The following HECTD4 variants were observed in gnomAD, a reference collection of about 807,000 sequenced individuals.
The protein encoded by HECTD4 is HECT domain E3 ubiquitin protein ligase 4, also known as probable E3 ubiquitin-protein ligase HECTD4.
A neutral mutation model predicts 471.5 loss-of-function variants in HECTD4; 114 were observed. The ratio of observed to expected loss-of-function variants is 0.24; its 90% CI spans 0.21 to 0.28. The LOEUF (loss-of-function observed/expected upper bound fraction) is 0.28. Ranked by LOEUF, HECTD4 falls within the 10% of genes least tolerant of loss-of-function variation. HECTD4 has a pLI of 1.00. For synonymous variants in HECTD4, 2,012 were observed against 2,256.0 expected, an observed-to-expected ratio of 0.89 and a Z score of 3.07; for missense variants, 3,866 against 5,651.5, an observed-to-expected ratio of 0.68 and a Z score of 10.13.
At chr12:112,208,724 T>C (rs1042793531) in intron 50 of HECTD4, 94 bp from the exon 51 acceptor site, 149 of 1,168,590 alleles carry the variant, frequency 1.3e-4, no homozygotes, top group Non-Finnish European at 1.6e-4. Context: ...TTATCTTAAT[T>C]TGCATGATAG....
In HECTD4 at chr12:112,276,488, G is replaced by A. The variant is rs1022358306; in HGVS notation, c.1688-1528C>T. The stretch of plus-strand genomic sequence containing the variant: ...TTTAGAGACAGAATCTCGCTCTGTC[G>A]CCAGGCTGGAGTGCAGTGGCGCGAT... On this transcript the variant is annotated intron_variant, in intron 9 of 75. Coordinates refer to ENST00000682272, the MANE Select transcript of HECTD4 (RefSeq NM_001388303.1). Among the ~76,000 whole-genome samples the A allele has an allele frequency of 3.3e-5, 5 of 152,086 alleles. No individual in the cohort carries two copies. In the South Asian group the frequency reaches 6.2e-4, roughly 19 times the overall value.
In HECTD4 at chr12:112,236,984, G is replaced by A. The variant is rs762298888; in HGVS notation, c.5405C>T (p.Ala1802Val). 80 of 1,612,730 alleles carry A rather than the reference G, an allele frequency of 5.0e-5. No individual in the cohort carries two copies. The highest frequency in any genetic ancestry group is 6.5e-5 in the Non-Finnish European group (77 of 1,179,546). Residue 1802 changes from alanine (A) to valine (V), a missense_variant, in exon 35 of 76, where the codon GCG becomes GTG. By Grantham distance (64) the Ala-to-Val change is moderately conservative. Coordinates refer to ENST00000682272, the MANE Select transcript of HECTD4 (RefSeq NM_001388303.1). ...GAGAAGACTAAGGACATCCTGGAGC[G>A]CGTCATTCCCAGCAGCCTGGTTGCC... ...CCGNQAAGNDALQDVLSLLND... is the reference protein window; with the variant it reads ...CCGNQAAGNDVLQDVLSLLND...
chr12:112,201,094 T>C (rs1181201992), intron 54 of HECTD4: 1 of 480,474 alleles, frequency 2.1e-6, no homozygotes, highest in Non-Finnish European at 4.1e-6. Context: ...ATGGGAGAGA[T>C]CTTATTTTAT....
chr12:112,166,016 C>A lies in HECTD4; in HGVS notation c.12534+1301G>T, dbSNP rs1471451083. On this transcript the variant is annotated intron_variant, in intron 72 of 75. Transcript: ENST00000682272. This position sits in a 1 kb window ranked among gnomAD's most constrained non-coding sequence, Gnocchi z 4.6. ...TCTTCCTAGTATGCACCCCACAACACCATGTGGTTCTGCATCCCATACCCT... is the reference window on the plus strand; with the variant it reads ...TCTTCCTAGTATGCACCCCACAACAACATGTGGTTCTGCATCCCATACCCT... Among the ~76,000 whole-genome samples the A allele has an allele frequency of 6.6e-6, 1 of 152,218 alleles. No individual in the cohort carries two copies. The highest frequency in any genetic ancestry group is 2.4e-5 in the African/African-American group (1 of 41,450).
At chr12:112,231,216 GA>G (rs1296913216) in intron 39 of HECTD4, 1 of 472,216 alleles carries the variant, frequency 2.1e-6, no homozygotes, top group African/African-American at 1.9e-5. Flanking sequence ...CCATTTGCAA[GA>G]AATAAAGGTA....
At chr12:112,227,443 C>T (rs1342129603) in intron 43 of HECTD4, among the ~76,000 whole-genome samples, 2 of 151,790 alleles carry the variant, frequency 1.3e-5, no homozygotes, top group African/African-American at 4.8e-5. Flanking sequence ...CTGGGTGACA[C>T]AGCAAGACTC....
chr12:112,346,841 T>C (rs2135732436), intron 1 of HECTD4, among the ~76,000 whole-genome samples: 1 of 152,334 alleles, frequency 6.6e-6, no homozygotes, highest in South Asian at 2.1e-4. Context: ...GAGACAGAAT[T>C]TCACATTCCT....
At chr12:112,349,540 A>G (rs2036216231) in intron 1 of HECTD4, among the ~76,000 whole-genome samples, 1 of 152,174 alleles carries the variant, frequency 6.6e-6, no homozygotes, top group African/African-American at 2.4e-5. Flanking sequence ...TCTAATTGGC[A>G]AAGATAAGGC....
chr12:112,338,964 TG>T (rs1193505483), intron 1 of HECTD4, among the ~76,000 whole-genome samples: 5 of 151,980 alleles, frequency 3.3e-5, no homozygotes, highest in Non-Finnish European at 7.4e-5. Context: ...CCCCCAACAC[TG>T]GGGATTATAA....
At position 112,239,755 on chromosome 12, in the gene HECTD4, A is replaced by T. The variant is rs1186151421; in HGVS notation, c.5105+126T>A. On this transcript the variant is annotated intron_variant, in intron 33 of 75. Transcript: ENST00000682272. The surrounding 1 kb of genome is among the most constrained non-coding windows in gnomAD (Gnocchi z 4.9). ...AACCTTAAGTGTCTTTCAGGAGAAA[A>T]GTTTTGTATAGCTAGCTCTGGATAA... 8.7e-6 allele frequency: 7 copies of T among 801,720 alleles called. No individual in the cohort carries two copies. The highest frequency in any genetic ancestry group is 1.3e-5 in the Non-Finnish European group (7 of 545,002). 49.7% of individuals were successfully genotyped at this position (801,720 alleles called of 1,614,324 possible).
At position 112,262,515 on chromosome 12, in the gene HECTD4, C is replaced by CAAAAAAAAAAA. The variant is rs758273849; in HGVS notation, c.2749-1097_2749-1087dup. Among the ~76,000 whole-genome samples, 107 of 19,760 alleles carry CAAAAAAAAAAA rather than the reference C, an allele frequency of 5.4e-3. 20 individuals carry two copies. The highest frequency in any genetic ancestry group is 0.012 in the African/African-American group (87 of 7,030). 13.0% of individuals were successfully genotyped at this position (19,760 alleles called of 152,430 possible). On this transcript the variant is annotated intron_variant, in intron 17 of 75. Transcript: ENST00000682272. ...TGGGCGACAAAGAGAGACTCCATCTCAAAAAAAAAAAAAAAAAAAAAAAAA... is the reference window on the plus strand; with the variant it reads ...TGGGCGACAAAGAGAGACTCCATCTCAAAAAAAAAAAAAAAAAAAAAAAAAAAAAAAAAAAA...
Position 112,382,327 on chromosome 12 carries a change from TGCCGCCGCCGCCGCCGCCGCCGCC to T in HECTD4, c.-223_-200del, listed in dbSNP as rs558182543. 2.9e-6 allele frequency: 1 copy of T among 346,718 alleles called. No homozygotes were observed. Among genetic ancestry groups the T allele is most frequent in the African/African-American group, 2.4e-5 (1 of 42,516 alleles). The allele number at this position is 346,718 out of a possible 1,614,324, so 21.5% of individuals were successfully genotyped here. A position where few individuals can be genotyped will look rare whatever the true frequency, so the allele number is the denominator to read the frequency against. ...ACCCCGGCCCGGGAGACCCCGGCCC[TGCCGCCGCCGCCGCCGCCGCCGCC>T]GCCGCCGCCCTCAGGAGCAGGATCC... On this transcript the variant is annotated 5_prime_UTR_variant, in exon 1 of 76. Transcript: ENST00000682272.
At chr12:112,279,026 T>G (rs559189370) in intron 9 of HECTD4, among the ~76,000 whole-genome samples, 1 of 152,376 alleles carries the variant, frequency 6.6e-6, no homozygotes, top group South Asian at 2.1e-4. Flanking sequence ...ACAATAGTTT[T>G]CAAAACTATA....
In HECTD4 at chr12:112,247,499, C is replaced by T; in HGVS notation, c.4300G>A (p.Asp1434Asn). Residue 1434 changes from aspartate (D) to asparagine (N), a missense_variant, in exon 28 of 76, where the codon GAT becomes AAT. Transcript: ENST00000682272. ...ACCATGTTTTCAAGATCATTCCCAT[C>T]AAAGGAGACTTCCTTCATTGAACAT... ...LLCSMKEVSF[D>N]GNDLENMVLS... The T allele has an allele frequency of 6.5e-7, 1 of 1,543,408 alleles. No individual in the cohort carries two copies. The highest frequency in any genetic ancestry group is 8.8e-7 in the Non-Finnish European group (1 of 1,141,814).
At chr12:112,219,529 G>C in intron 44 of HECTD4, 40 bp from the exon 45 acceptor site, 1 of 1,434,730 alleles carries the variant, frequency 7.0e-7, no homozygotes. Context: ...AACAACTCCC[G>C]CAACTCCCAA....
intron 45 of HECTD4, among the ~76,000 whole-genome samples, chr12:112,217,946 A>T (rs1292447456): frequency 6.6e-6 from 1 of 152,102 alleles, no homozygotes; most frequent in Non-Finnish European, 1.5e-5. Context: ...AAAAATCTCA[A>T]GCTTCTCTAT....
At chr12:112,209,897 C>T (rs775221879) in intron 50 of HECTD4, 118 bp downstream of exon 50, 96 of 813,310 alleles carry the variant, frequency 1.2e-4, no homozygotes, top group South Asian at 1.8e-4. Flanking sequence ...CCAATGGGCA[C>T]GTGAGTTTGC....
chr12:112,282,497 A>T (rs1335796945), intron 8 of HECTD4, among the ~76,000 whole-genome samples: 1 of 152,254 alleles, frequency 6.6e-6, no homozygotes, highest in Admixed American at 6.5e-5. Flanking sequence ...ATATAAATTT[A>T]TCTTTAATTA....
chr12:112,382,286 A>C lies in HECTD4; in HGVS notation c.-158T>G. ...GTGCAACTCCGCCCTAGGCGGTCCGAGTCGCCATACCCCCGACCCCGGCCC... is the reference window on the plus strand; with the variant it reads ...GTGCAACTCCGCCCTAGGCGGTCCGCGTCGCCATACCCCCGACCCCGGCCC... On this transcript the variant is annotated 5_prime_UTR_variant, in exon 1 of 76. Coordinates refer to ENST00000682272, the MANE Select transcript of HECTD4 (RefSeq NM_001388303.1). The C allele has an allele frequency of 1.7e-6, 1 of 599,710 alleles. No individual in the cohort carries two copies. The highest frequency in any genetic ancestry group is 2.4e-6 in the Non-Finnish European group (1 of 422,438). 37.1% of individuals were successfully genotyped at this position (599,710 alleles called of 1,614,324 possible). A position where few individuals can be genotyped will look rare whatever the true frequency, so the allele number is the denominator to read the frequency against.
Sources: gnomAD v4.1 joint callset for allele counts (sites outside exome capture counted in the v4.1 genomes callset) on GRCh38, gnomAD v4.1.1 for gene constraint, Gnocchi (gnomAD v3.1) non-coding constraint, MANE v1.5 for transcripts, NCBI Gene and HGNC (gene_info 2026-07-23, HGNC 2026-07-21) for gene names.